Variants in QTGAL observed in about 807,000 individuals in gnomAD.
The protein encoded by QTGAL is queuosine-tRNA galactosyltransferase, also known as BGnT-like protein 1.
chr17:82,994,655 C>T, the QTGAL span, among the ~76,000 whole-genome samples: 1 of 151,988 alleles, frequency 6.6e-6, no homozygotes, highest in African/African-American at 2.4e-5. Flanking sequence ...CAAATTATTC[C>T]AAAAAATAGA....
the QTGAL span, among the ~76,000 whole-genome samples, chr17:82,983,793 C>T: frequency 2.0e-5 from 3 of 152,200 alleles, no homozygotes; most frequent in Non-Finnish European, 4.4e-5. Context: ...GAACTGTGTG[C>T]CTCAGATTAA....
the QTGAL span, among the ~76,000 whole-genome samples, chr17:83,018,904 G>A: frequency 6.6e-6 from 1 of 152,176 alleles, no homozygotes; most frequent in Non-Finnish European, 1.5e-5. Flanking sequence ...CCCCAGCCAG[G>A]GCTCACGGGG....
At chr17:83,035,179 A>C in the QTGAL span, 1 of 1,188,134 alleles carries the variant, frequency 8.4e-7, no homozygotes, top group Non-Finnish European at 1.2e-6. Flanking sequence ...AGTATATGAT[A>C]TTCTTTTTTT....
the QTGAL span, among the ~76,000 whole-genome samples, chr17:82,972,382 C>A: frequency 7.9e-6 from 1 of 127,278 alleles, no homozygotes; most frequent in Non-Finnish European, 1.6e-5. Flanking sequence ...CAGTACTGAC[C>A]ACACCACACC....
chr17:82,983,425 C>A, the QTGAL span, among the ~76,000 whole-genome samples: 1 of 152,186 alleles, frequency 6.6e-6, no homozygotes, highest in Non-Finnish European at 1.5e-5. Flanking sequence ...TCGCCAGAAG[C>A]CTGACCTCCA....
At chr17:83,006,367 T>C in the QTGAL span, 1 of 985,338 alleles carries the variant, frequency 1.0e-6, no homozygotes, top group Non-Finnish European at 1.2e-6. The surrounding 1 kb of genome is among the most constrained non-coding windows in gnomAD (Gnocchi z 5.8). Flanking sequence ...GCATTTGTTG[T>C]TGTTGTTGTT....
the QTGAL span, among the ~76,000 whole-genome samples, chr17:83,045,659 C>T: frequency 0.03 from 4,607 of 151,934 alleles, 241 homozygotes; most frequent in African/African-American, 0.11. Flanking sequence ...ACCCAAAGAA[C>T]GGGAAAAAAA....
chr17:83,031,017 T>G, the QTGAL span: 1 of 152,264 alleles, frequency 6.6e-6, no homozygotes, highest in South Asian at 2.1e-4. Flanking sequence ...ACATTATGTT[T>G]GAACATCTCT....
At chr17:83,004,974 T>C in the QTGAL span, 3 of 632,752 alleles carry the variant, frequency 4.7e-6, no homozygotes, top group African/African-American at 1.8e-5. Flanking sequence ...CTCTGTGCGA[T>C]TGATGGCATG....
At chr17:83,051,235 G>A in the QTGAL span, among the ~76,000 whole-genome samples, 2 of 149,812 alleles carry the variant, frequency 1.3e-5, no homozygotes, top group Non-Finnish European at 3.0e-5. Flanking sequence ...ATGCGCAGGT[G>A]CGCGGACCAG....
chr17:82,997,988 T>G, the QTGAL span, among the ~76,000 whole-genome samples: 8 of 149,542 alleles, frequency 5.3e-5, no homozygotes, highest in African/African-American at 2.0e-4. Flanking sequence ...TATATCTATA[T>G]ATAGATATAT....
the QTGAL span, among the ~76,000 whole-genome samples, chr17:83,036,388 G>A: frequency 1.3e-5 from 2 of 152,198 alleles, no homozygotes; most frequent in Non-Finnish European, 2.9e-5. Flanking sequence ...GGCCTGAGGG[G>A]GCTTCTGGGG....
the QTGAL span, among the ~76,000 whole-genome samples, chr17:83,012,853 A>G: frequency 2.6e-5 from 4 of 151,752 alleles, no homozygotes; most frequent in Non-Finnish European, 4.4e-5. Flanking sequence ...CTGTTTCCAC[A>G]TGACTGAAAC....
chr17:82,984,290 A>G, the QTGAL span, among the ~76,000 whole-genome samples: 251 of 116,394 alleles, frequency 2.2e-3, 58 homozygotes, highest in African/African-American at 8.0e-3. Flanking sequence ...ACGTGAGCAC[A>G]CGGGGGAGAG....
the QTGAL span, among the ~76,000 whole-genome samples, chr17:83,035,762 T>A: frequency 6.6e-6 from 1 of 152,142 alleles, no homozygotes; most frequent in Non-Finnish European, 1.5e-5. Context: ...GTCTGTAAAG[T>A]CTACCCTGAT....
chr17:82,958,755 G>A, the QTGAL span, among the ~76,000 whole-genome samples: 1 of 151,304 alleles, frequency 6.6e-6, no homozygotes, highest in Non-Finnish European at 1.5e-5. Flanking sequence ...GGGACACAGG[G>A]AGATGCTTAT....
At chr17:83,007,221 C>T in the QTGAL span, 5 of 985,342 alleles carry the variant, frequency 5.1e-6, no homozygotes, top group South Asian at 1.9e-4. Context: ...TCATGTCTCT[C>T]TCCTAAAGCA....
At chr17:82,992,139 T>G in the QTGAL span, among the ~76,000 whole-genome samples, 1 of 152,156 alleles carries the variant, frequency 6.6e-6, no homozygotes, top group African/African-American at 2.4e-5. Context: ...GTAGAAAATT[T>G]ATTCAAAGGG....
At chr17:83,043,531 G>A in the QTGAL span, among the ~76,000 whole-genome samples, 2 of 152,114 alleles carry the variant, frequency 1.3e-5, no homozygotes, top group East Asian at 1.9e-4. Flanking sequence ...TCAGTGCATA[G>A]AAAGGAATTT....
Sources: allele counts gnomAD v4.1 joint callset (sites outside exome capture counted in the v4.1 genomes callset), GRCh38; gene constraint gnomAD v4.1.1; non-coding constraint Gnocchi (gnomAD v3.1); transcripts MANE v1.5; gene names NCBI Gene and HGNC (gene_info 2026-07-23, HGNC 2026-07-21).